Variants in KIAA1217 observed in about 807,000 individuals in gnomAD.
The protein encoded by KIAA1217 is KIAA1217.
In KIAA1217, 88 loss-of-function variants were observed where a neutral mutation model predicts 163.9. That is an observed-to-expected ratio of 0.54 (90% CI 0.45 to 0.64). The LOEUF (loss-of-function observed/expected upper bound fraction) is 0.64. KIAA1217 is among the 30% of genes least tolerant of loss of function. KIAA1217 has a pLI of 0.00. For missense variants in KIAA1217, 2,372 were observed against 2,475.0 expected (o/e 0.96, Z 0.88); for synonymous variants, 903 against 923.1 (o/e 0.98, Z 0.39).
chr10:24,291,767 A>G (rs2079110694), intron 2 of KIAA1217, among the ~76,000 whole-genome samples: 2 of 147,154 alleles, frequency 1.4e-5, no homozygotes, highest in African/African-American at 5.0e-5. Flanking sequence ...CGATGTGGAG[A>G]AAAAAAAAAT....
At chr10:23,713,581 A>T (rs542638789) in intron 1 of KIAA1217, among the ~76,000 whole-genome samples, 1 of 152,252 alleles carries the variant, frequency 6.6e-6, no homozygotes, top group South Asian at 2.1e-4. Context: ...TTATGCTCTA[A>T]AATAGTCAGT....
chr10:24,084,139 G>T (rs573551154), intron 2 of KIAA1217, among the ~76,000 whole-genome samples: 2 of 152,120 alleles, frequency 1.3e-5, no homozygotes, highest in Non-Finnish European at 2.9e-5. Flanking sequence ...GACTCTCCTG[G>T]CCACCCAATT....
In KIAA1217 at chr10:24,544,424, GGATGAAGGTCCCA is replaced by G; in HGVS notation, c.5155_5167del (p.Asp1719LeufsTer3). ...CCTCTCCCCGACCCTTGCTAGTTCC[GGATGAAGGTCCCA>G]CTGCCCTAGAGCCCCCTACGTCGAT... is the stretch of plus-strand genomic sequence containing the variant. On this transcript the variant is annotated frameshift_variant, in exon 19 of 21. Transcript: ENST00000376454. LOFTEE classifies it high-confidence loss of function. 6.2e-7 allele frequency: 1 copy of G among 1,614,058 alleles called. No homozygotes were observed. The highest frequency in any genetic ancestry group is 2.2e-5 in the East Asian group (1 of 44,874).
At chr10:24,280,871 C>T (rs1439203244) in intron 2 of KIAA1217, among the ~76,000 whole-genome samples, 1 of 151,578 alleles carries the variant, frequency 6.6e-6, no homozygotes, top group African/African-American at 2.4e-5. Context: ...GGACATTTCT[C>T]TACCTAAGAA....
At chr10:24,027,780 A>T (rs1284274081) in intron 2 of KIAA1217, among the ~76,000 whole-genome samples, 1 of 152,134 alleles carries the variant, frequency 6.6e-6, no homozygotes, top group African/African-American at 2.4e-5. Flanking sequence ...TTTGTGTATA[A>T]GAACAAAGGA....
chr10:23,898,172 T>G (rs1282578712), intron 1 of KIAA1217, among the ~76,000 whole-genome samples: 3 of 151,956 alleles, frequency 2.0e-5, no homozygotes, highest in African/African-American at 7.2e-5. Flanking sequence ...ACCGGGTACT[T>G]TATTGTGAAC....
intron 2 of KIAA1217, among the ~76,000 whole-genome samples, chr10:24,009,568 A>G (rs762586873): frequency 6.6e-6 from 1 of 152,202 alleles, no homozygotes; most frequent in Non-Finnish European, 1.5e-5. Flanking sequence ...TGCATGTCAC[A>G]TGCTGTGCAG....
chr10:24,366,031 C>T (rs1242512120), intron 2 of KIAA1217, among the ~76,000 whole-genome samples: 2 of 152,032 alleles, frequency 1.3e-5, no homozygotes, highest in Non-Finnish European at 2.9e-5. Flanking sequence ...GCTATGGCAC[C>T]CCACTGGCAG....
chr10:24,190,025 T>TAAAA (rs78009696), intron 2 of KIAA1217, among the ~76,000 whole-genome samples: 5 of 127,100 alleles, frequency 3.9e-5, no homozygotes, highest in Non-Finnish European at 6.8e-5. Flanking sequence ...TGTCTCTATT[T>TAAAA]AAAAAAAAAA....
intron 1 of KIAA1217, among the ~76,000 whole-genome samples, chr10:23,871,485 A>G (rs1840453035): frequency 6.6e-6 from 1 of 151,990 alleles, no homozygotes; most frequent in African/African-American, 2.4e-5. Flanking sequence ...CTTGATTTTT[A>G]GTCAAGTTCT....
intron 1 of KIAA1217, among the ~76,000 whole-genome samples, chr10:23,891,967 A>G (rs1810216524): frequency 6.6e-6 from 1 of 151,980 alleles, no homozygotes; most frequent in African/African-American, 2.4e-5. Flanking sequence ...GGTTATTAGT[A>G]TAAAGTGTTT....
intron 1 of KIAA1217, among the ~76,000 whole-genome samples, chr10:24,215,108 C>T (rs1041191411): frequency 2.0e-5 from 3 of 152,234 alleles, no homozygotes; most frequent in Admixed American, 1.3e-4. Flanking sequence ...TTCCAGAATG[C>T]CAAATCCTAG....
intron 2 of KIAA1217, among the ~76,000 whole-genome samples, chr10:24,378,195 A>G (rs2052777932): frequency 6.6e-6 from 1 of 152,200 alleles, no homozygotes; most frequent in Non-Finnish European, 1.5e-5. Flanking sequence ...TCTGTCCCAG[A>G]TCTAAATTTA....
intron 1 of KIAA1217, among the ~76,000 whole-genome samples, chr10:23,759,499 A>G (rs1834131187): frequency 6.6e-6 from 1 of 152,204 alleles, no homozygotes. Context: ...TCTTAGAGGA[A>G]AAGCTTGCAG....
At chr10:24,196,900 A>G (rs996181925) in intron 2 of KIAA1217, among the ~76,000 whole-genome samples, 1 of 152,292 alleles carries the variant, frequency 6.6e-6, no homozygotes, top group South Asian at 2.1e-4. Flanking sequence ...CTGGGGATTG[A>G]ATCTGCCTAG....
At chr10:24,090,169 T>TC (rs930113266) in intron 2 of KIAA1217, among the ~76,000 whole-genome samples, 4 of 128,902 alleles carry the variant, frequency 3.1e-5, no homozygotes, top group South Asian at 4.8e-4. Flanking sequence ...TTTTTCTTTT[T>TC]TTTTTTTTTT....
intron 2 of KIAA1217, among the ~76,000 whole-genome samples, chr10:24,365,560 T>G (rs1437647291): frequency 6.6e-6 from 1 of 152,180 alleles, no homozygotes; most frequent in Non-Finnish European, 1.5e-5. Context: ...GAGCAGAGAA[T>G]CAGAGGGCCC....
intron 1 of KIAA1217, among the ~76,000 whole-genome samples, chr10:23,721,991 A>G (rs1321025287): frequency 2.6e-5 from 4 of 152,188 alleles, no homozygotes; most frequent in African/African-American, 7.2e-5. Context: ...TAGTCATACA[A>G]TGGAATATTA....
intron 2 of KIAA1217, among the ~76,000 whole-genome samples, chr10:24,118,356 G>A (rs2063145234): frequency 6.6e-6 from 1 of 152,174 alleles, no homozygotes; most frequent in South Asian, 2.1e-4. Flanking sequence ...CTGTAGCGCA[G>A]AGACAGCATA....
Sources: gnomAD v4.1 joint callset for allele counts (sites outside exome capture counted in the v4.1 genomes callset) on GRCh38, gnomAD v4.1.1 for gene constraint, MANE v1.5 for transcripts, NCBI Gene and HGNC (gene_info 2026-07-23, HGNC 2026-07-21) for gene names.